Variants in LEKR1 observed in about 807,000 individuals in gnomAD.
The protein encoded by LEKR1 is protein LEKR1.
Under a neutral mutation model 72.4 loss-of-function variants are expected in LEKR1, and 59 were observed. The ratio of observed to expected loss-of-function variants is 0.82; its 90% CI spans 0.66 to 1.01. The LOEUF (loss-of-function observed/expected upper bound fraction) is 1.01, where lower values mean the gene tolerates loss of function less well. LEKR1 is among the 50% of genes least tolerant of loss of function. The pLI, the probability that LEKR1 is intolerant of heterozygous loss-of-function variation, is 0.00. For missense variants in LEKR1, 728 were observed against 759.2 expected, an observed-to-expected ratio of 0.96 and a Z score of 0.48; for synonymous variants, 257 against 263.2, an observed-to-expected ratio of 0.98 and a Z score of 0.23.
chr3:156,988,293 G>A (rs1327509293), intron 7 of LEKR1: 2 of 206,638 alleles, frequency 9.7e-6, no homozygotes, highest in Non-Finnish European at 2.1e-5. Context: ...TATCTGTCTA[G>A]AACAGTACCA....
At chr3:156,878,523 T>A (rs1383753885) in intron 3 of LEKR1, among the ~76,000 whole-genome samples, 1 of 152,254 alleles carries the variant, frequency 6.6e-6, no homozygotes, top group South Asian at 2.1e-4. Flanking sequence ...TTAAATTTAT[T>A]GAGACTTGTT....
chr3:156,899,723 T>A lies in LEKR1; in HGVS notation c.264-20852T>A, dbSNP rs36155501. On this transcript the variant is annotated intron_variant, in intron 3 of 12. Transcript: ENST00000356539. ...ACACGCATATATACACATATATACA[T>A]GCATATATACACATATATACATGCA... is the stretch of plus-strand genomic sequence containing the variant. 5.6e-5 allele frequency among the ~76,000 whole-genome samples: 6 copies of A among 107,592 alleles called. No individual in the cohort carries two copies. In the East Asian group the frequency reaches 1.0e-3, roughly 18 times the overall value. The allele number at this position is 107,592 out of a possible 152,430, so 70.6% of individuals were successfully genotyped here.
chr3:156,841,509 A>G (rs1413789713), intron 2 of LEKR1, among the ~76,000 whole-genome samples: 2 of 152,166 alleles, frequency 1.3e-5, no homozygotes, highest in East Asian at 3.8e-4. Context: ...GGACACCAAA[A>G]GAGGCTCAGC....
chr3:156,972,620 TA>T (rs1729324444), intron 6 of LEKR1, among the ~76,000 whole-genome samples: 1 of 151,612 alleles, frequency 6.6e-6, no homozygotes, highest in African/African-American at 2.4e-5. Flanking sequence ...GTAATTTATA[TA>T]AGGACAAATT....
Position 156,974,216 on chromosome 3 carries a change from T to A in LEKR1, c.746-4978T>A, listed in dbSNP as rs533923406. Among the ~76,000 whole-genome samples the A allele has an allele frequency of 5.3e-5, 8 of 152,140 alleles. No individual in the cohort carries two copies. In the South Asian group the frequency reaches 1.0e-3, roughly 20 times the overall value. On this transcript the variant is annotated intron_variant, in intron 6 of 12. Coordinates refer to ENST00000356539, the MANE Select transcript of LEKR1 (RefSeq NM_001004316.3). ...CAGAGCAGAGTGAATCATATCTACA[T>A]GTAGCTACATGGATAGGTCTCAAAA...
At chr3:156,949,633 G>A (rs901423320) in intron 6 of LEKR1, among the ~76,000 whole-genome samples, 2 of 150,968 alleles carry the variant, frequency 1.3e-5, no homozygotes, top group East Asian at 3.9e-4. Flanking sequence ...TTACAAAATG[G>A]GTATAATAAC....
chr3:156,921,756 A>C (rs1724220795), intron 4 of LEKR1, among the ~76,000 whole-genome samples: 1 of 152,188 alleles, frequency 6.6e-6, no homozygotes, highest in Admixed American at 6.5e-5. Context: ...CAAAGCCTTC[A>C]TGGATGGTAA....
At chr3:156,853,950 A>T in intron 3 of LEKR1, among the ~76,000 whole-genome samples, 1 of 152,118 alleles carries the variant, frequency 6.6e-6, no homozygotes, top group South Asian at 2.1e-4. Context: ...TCTTTAATAA[A>T]ATGTATTATA....
At chr3:156,969,603 C>A (rs187919944) in intron 6 of LEKR1, among the ~76,000 whole-genome samples, 58 of 152,288 alleles carry the variant, frequency 3.8e-4, no homozygotes, top group African/African-American at 1.4e-3. Context: ...AGACCAATAA[C>A]AGGCTCTGAA....
At chr3:156,951,121 CAT>C (rs1245957731) in intron 6 of LEKR1, among the ~76,000 whole-genome samples, 1 of 151,714 alleles carries the variant, frequency 6.6e-6, no homozygotes. Context: ...TTGAGATAAT[CAT>C]GTGGTTTTTT....
intron 3 of LEKR1, among the ~76,000 whole-genome samples, chr3:156,856,321 A>C (rs1003553824): frequency 1.4e-4 from 22 of 152,130 alleles, no homozygotes; most frequent in African/African-American, 5.3e-4. Flanking sequence ...ATTGTCTATC[A>C]TTGAGTCAGG....
chr3:156,912,721 G>T (rs1266685270), intron 3 of LEKR1, among the ~76,000 whole-genome samples: 1 of 152,188 alleles, frequency 6.6e-6, no homozygotes, highest in Non-Finnish European at 1.5e-5. Flanking sequence ...CTTTCATGAG[G>T]TTCCCTTTTT....
chr3:157,006,785 T>C (rs1335281960), intron 9 of LEKR1, among the ~76,000 whole-genome samples: 1 of 152,228 alleles, frequency 6.6e-6, no homozygotes, highest in Non-Finnish European at 1.5e-5. Flanking sequence ...CAGAATCATA[T>C]AGTGTATTTT....
intron 12 of LEKR1, among the ~76,000 whole-genome samples, chr3:157,040,868 A>C (rs10936057): frequency 6.6e-6 from 1 of 151,998 alleles, no homozygotes; most frequent in African/African-American, 2.4e-5. Context: ...TCCCGTTGCA[A>C]ATGGGAGTCT....
intron 10 of LEKR1, 54 bp from the exon 11 acceptor site, chr3:157,024,706 G>A: frequency 8.0e-7 from 1 of 1,253,476 alleles, no homozygotes; most frequent in Non-Finnish European, 1.1e-6. Context: ...TAAGCTTAAT[G>A]TACTTATTTT....
intron 5 of LEKR1, among the ~76,000 whole-genome samples, chr3:156,929,918 A>C (rs1725052081): frequency 6.6e-6 from 1 of 152,172 alleles, no homozygotes; most frequent in Non-Finnish European, 1.5e-5. Context: ...GGCTTGAAAA[A>C]GGCAAGATTG....
chr3:156,971,794 C>T (rs1343238026), intron 6 of LEKR1, among the ~76,000 whole-genome samples: 1 of 152,138 alleles, frequency 6.6e-6, no homozygotes, highest in African/African-American at 2.4e-5. Flanking sequence ...CAATGAGATA[C>T]CATCTCACAC....
At chr3:156,884,644 T>C (rs1044468763) in intron 3 of LEKR1, among the ~76,000 whole-genome samples, 6 of 152,192 alleles carry the variant, frequency 3.9e-5, no homozygotes, top group African/African-American at 1.2e-4. Flanking sequence ...TGCTTAGAAG[T>C]CTGCTGTTAA....
chr3:156,887,535 G>C (rs539851801), intron 3 of LEKR1, among the ~76,000 whole-genome samples: 116 of 152,106 alleles, frequency 7.6e-4, no homozygotes, highest in Non-Finnish European at 1.5e-3. Flanking sequence ...ACAGAATGAT[G>C]CTTTGAATTC....
Sources: allele counts gnomAD v4.1 joint callset (sites outside exome capture counted in the v4.1 genomes callset), GRCh38; gene constraint gnomAD v4.1.1; transcripts MANE v1.5; gene names NCBI Gene and HGNC (gene_info 2026-07-23, HGNC 2026-07-21).